TNFSF4: variants seen among roughly 807,000 people sequenced by gnomAD.
TNFSF4 encodes tumor necrosis factor ligand superfamily member 4.
TNFSF4 carries 4 observed loss-of-function variants against 7.3 expected under a neutral mutation model. The observed-to-expected ratio is 0.55, with a 90% CI of 0.27 to 1.25. TNFSF4 has a LOEUF of 1.25. TNFSF4 is among the 50% of genes most tolerant of loss of function. The probability of loss-of-function intolerance (pLI) is 0.12; values close to 1 mark genes in which losing one functional copy is unlikely to be tolerated. For synonymous variants in TNFSF4, 76 were observed against 83.7 expected, an observed-to-expected ratio of 0.91 and a Z score of 0.50; for missense variants, 181 against 208.8, an observed-to-expected ratio of 0.87 and a Z score of 0.82.
the TNFSF4 span, among the ~76,000 whole-genome samples, chr1:173,324,457 A>G: frequency 6.6e-6 from 1 of 152,236 alleles, no homozygotes; most frequent in Non-Finnish European, 1.5e-5. Flanking sequence ...TGCATCAACT[A>G]ACAAGCAAAA....
chr1:173,445,973 A>T, the TNFSF4 span, among the ~76,000 whole-genome samples: 1 of 152,240 alleles, frequency 6.6e-6, no homozygotes, highest in Admixed American at 6.5e-5. Flanking sequence ...TACTCAAATA[A>T]GCAAACAATC....
chr1:173,195,511 C>T (rs998296531), intron 1 of TNFSF4, among the ~76,000 whole-genome samples: 1 of 152,144 alleles, frequency 6.6e-6, no homozygotes, highest in Non-Finnish European at 1.5e-5. Context: ...CTGGGCTGTC[C>T]AAAAACAAAG....
the TNFSF4 span, among the ~76,000 whole-genome samples, chr1:173,225,935 A>C: frequency 2.0e-5 from 3 of 152,348 alleles, no homozygotes; most frequent in East Asian, 5.8e-4. Context: ...TAGAAAATAT[A>C]AAACAGGCTA....
At chr1:173,388,556 G>T in the TNFSF4 span, among the ~76,000 whole-genome samples, 1 of 152,190 alleles carries the variant, frequency 6.6e-6, no homozygotes, top group African/African-American at 2.4e-5. Flanking sequence ...TTGCACAATA[G>T]TGTTCTTCAG....
At chr1:173,311,553 T>C in the TNFSF4 span, among the ~76,000 whole-genome samples, 1 of 151,946 alleles carries the variant, frequency 6.6e-6, no homozygotes, top group African/African-American at 2.4e-5. Flanking sequence ...CACTAGACAG[T>C]GGAGATGACC....
the TNFSF4 span, among the ~76,000 whole-genome samples, chr1:173,299,139 G>C: frequency 6.6e-6 from 1 of 151,900 alleles, no homozygotes; most frequent in African/African-American, 2.4e-5. Context: ...CTCAGTGCCA[G>C]ATTCAACAGC....
chr1:173,367,179 T>G, the TNFSF4 span, among the ~76,000 whole-genome samples: 5 of 152,236 alleles, frequency 3.3e-5, no homozygotes, highest in Non-Finnish European at 5.9e-5. Flanking sequence ...CTAAACTCTT[T>G]GCTACAATTC....
At chr1:173,180,062 A>AT (rs1163405224), downstream of TNFSF4, among the ~76,000 whole-genome samples, 3 of 152,048 alleles carry the variant, frequency 2.0e-5, no homozygotes, top group East Asian at 5.8e-4. Context: ...TAGCATTCTG[A>AT]TTTTTTCTTT....
chr1:173,330,155 T>C, the TNFSF4 span, among the ~76,000 whole-genome samples: 1 of 152,182 alleles, frequency 6.6e-6, no homozygotes, highest in Non-Finnish European at 1.5e-5. Flanking sequence ...CAACCCACTT[T>C]GTTGGCCAGA....
At chr1:173,195,050 C>T in intron 1 of TNFSF4, among the ~76,000 whole-genome samples, 1 of 152,044 alleles carries the variant, frequency 6.6e-6, no homozygotes, top group East Asian at 1.9e-4. Flanking sequence ...ATTAGTGCTG[C>T]TAAGAACTTG....
downstream of TNFSF4, among the ~76,000 whole-genome samples, chr1:173,183,118 T>C (rs1471217183): frequency 6.6e-6 from 1 of 152,176 alleles, no homozygotes; most frequent in Non-Finnish European, 1.5e-5. Flanking sequence ...GGCTGCCAGA[T>C]TGCAGTTTCT....
chr1:173,313,229 C>T, the TNFSF4 span, among the ~76,000 whole-genome samples: 3 of 151,976 alleles, frequency 2.0e-5, no homozygotes, highest in African/African-American at 4.8e-5. Flanking sequence ...TTATTTTTTT[C>T]TTCTGATTTA....
chr1:173,266,623 G>A, the TNFSF4 span, among the ~76,000 whole-genome samples: 2 of 152,148 alleles, frequency 1.3e-5, no homozygotes, highest in African/African-American at 4.8e-5. Context: ...GCATAGCAAT[G>A]TCTGTCTGGC....
chr1:173,363,382 G>C, the TNFSF4 span: 1 of 334,768 alleles, frequency 3.0e-6, no homozygotes, highest in South Asian at 3.0e-5. Context: ...ATTGTGCTTT[G>C]ATTCTTCATT....
chr1:173,406,880 C>A, the TNFSF4 span, among the ~76,000 whole-genome samples: 1 of 152,102 alleles, frequency 6.6e-6, no homozygotes, highest in Non-Finnish European at 1.5e-5. Context: ...GAATGGAGAG[C>A]CTGTGGCCGT....
chr1:173,341,297 T>C, the TNFSF4 span, among the ~76,000 whole-genome samples: 3 of 152,154 alleles, frequency 2.0e-5, no homozygotes, highest in Admixed American at 2.0e-4. Flanking sequence ...CACAGCAGTG[T>C]AGAAGATCAA....
At chr1:173,391,367 A>T in the TNFSF4 span, among the ~76,000 whole-genome samples, 1 of 141,394 alleles carries the variant, frequency 7.1e-6, no homozygotes, top group Non-Finnish European at 1.5e-5. Context: ...GATTATTTCC[A>T]AATGAATATA....
chr1:173,377,112 G>A, the TNFSF4 span, among the ~76,000 whole-genome samples: 1 of 152,184 alleles, frequency 6.6e-6, no homozygotes, highest in Non-Finnish European at 1.5e-5. Flanking sequence ...GAGCGTCTGT[G>A]GCTTCATTCT....
chr1:173,242,475 T>C, the TNFSF4 span, among the ~76,000 whole-genome samples: 10 of 152,146 alleles, frequency 6.6e-5, no homozygotes, highest in African/African-American at 1.9e-4. Context: ...GTAAAAGAAT[T>C]AGAGTAGCAC....
Sources: gnomAD v4.1 joint callset for allele counts (sites outside exome capture counted in the v4.1 genomes callset) on GRCh38, gnomAD v4.1.1 for gene constraint, MANE v1.5 for transcripts, NCBI Gene and HGNC (gene_info 2026-07-23, HGNC 2026-07-21) for gene names.